GRIK2: variants seen among roughly 807,000 people sequenced by gnomAD.
GRIK2 encodes the protein glutamate ionotropic receptor kainate type subunit 2.
In GRIK2, 32 loss-of-function variants were observed where a neutral mutation model predicts 100.3. The ratio of observed to expected loss-of-function variants is 0.32; its 90% CI spans 0.24 to 0.43. The LOEUF (loss-of-function observed/expected upper bound fraction) is 0.43. Ranked by LOEUF, GRIK2 falls within the 20% of genes least tolerant of loss-of-function variation. The pLI is 1.00. For synonymous variants in GRIK2, 417 were observed against 389.4 expected (o/e 1.07, Z -0.83); for missense variants, 843 against 1,114.9 (o/e 0.76, Z 3.47).
At chr6:101,929,848 G>A (rs62421157) in intron 14 of GRIK2, among the ~76,000 whole-genome samples, 3,515 of 152,032 alleles carry the variant, frequency 0.023, 65 homozygotes, top group Middle Eastern at 0.038. Context: ...TATTGGATAT[G>A]GATTTCACAT....
At chr6:101,630,781 T>C (rs1310555625) in intron 4 of GRIK2, among the ~76,000 whole-genome samples, 1 of 152,080 alleles carries the variant, frequency 6.6e-6, no homozygotes, top group Non-Finnish European at 1.5e-5. Flanking sequence ...TCATACACAA[T>C]AAAATAAACA....
At chr6:101,889,499 CA>C (rs1415646603) in intron 11 of GRIK2, 140 bp from the exon 12 acceptor site, 4 of 552,066 alleles carry the variant, frequency 7.2e-6, no homozygotes, top group Middle Eastern at 9.3e-4. Flanking sequence ...TAAATTTTAA[CA>C]TAATCGTTAC....
chr6:101,924,610 T>A lies in GRIK2; in HGVS notation c.1758T>A (p.Pro586=). 1.9e-6 allele frequency: 3 copies of A among 1,541,464 alleles called. No homozygotes were observed. Among genetic ancestry groups the A allele is most frequent in the Non-Finnish European group, 2.7e-6 (3 of 1,114,156 alleles). Reference sequence around the variant, plus strand: ...CTGTCAATTACCACAGGTTTAGTCCTTATGAGTGGTATAATCCACACCCTT... The same window carrying A: ...CTGTCAATTACCACAGGTTTAGTCCATATGAGTGGTATAATCCACACCCTT... ...CVLFVIARFS[P]YEWYNPHPCN... is the part of the protein sequence containing the mutation. Residue 586 remains proline (P), a synonymous_variant, in exon 13 of 17, where the codon CCT becomes CCA. Transcript: ENST00000369134.
intron 10 of GRIK2, among the ~76,000 whole-genome samples, chr6:101,853,102 T>C (rs1220022300): frequency 6.6e-6 from 1 of 152,136 alleles, no homozygotes; most frequent in Non-Finnish European, 1.5e-5. Context: ...ATCCAACATA[T>C]ACGGTTTTCT....
intron 2 of GRIK2, among the ~76,000 whole-genome samples, chr6:101,579,222 G>A (rs982296912): frequency 6.6e-6 from 1 of 152,042 alleles, no homozygotes; most frequent in Non-Finnish European, 1.5e-5. Flanking sequence ...AAGAAATGAA[G>A]TATATATTCC....
At chr6:101,618,612 G>T (rs512051) in intron 2 of GRIK2, among the ~76,000 whole-genome samples, 34,925 of 151,222 alleles carry the variant, frequency 0.23, 5,075 homozygotes, top group African/African-American at 0.4. Flanking sequence ...GTATTTTCTC[G>T]TATACTTCAC....
Position 101,446,033 on chromosome 6 carries a change from T to G in GRIK2, c.115+46641T>G, listed in dbSNP as rs75930299. Reference sequence around the variant, plus strand: ...TGATCTCTGCCTGTGATATCCCTCCTCAACTTTTAAGACTTAGCTTAAATA... The same window carrying G: ...TGATCTCTGCCTGTGATATCCCTCCGCAACTTTTAAGACTTAGCTTAAATA... On this transcript the variant is annotated intron_variant, in intron 2 of 16. Transcript: ENST00000369134. Among the ~76,000 whole-genome samples the G allele has an allele frequency of 1.4e-4, 21 of 152,182 alleles. No individual in the cohort carries two copies. The East Asian group carries it at 4.1e-3, about 29-fold the overall frequency.
chr6:101,956,307 A>C (rs920276107), intron 14 of GRIK2, among the ~76,000 whole-genome samples: 1 of 152,108 alleles, frequency 6.6e-6, no homozygotes, highest in African/African-American at 2.4e-5. Context: ...GCCACATGAG[A>C]TATTAATTTT....
chr6:101,444,030 A>G (rs1184003395), intron 2 of GRIK2, among the ~76,000 whole-genome samples: 1 of 151,872 alleles, frequency 6.6e-6, no homozygotes, highest in Admixed American at 6.6e-5. Context: ...GACTACAGGT[A>G]TGCACTACCG....
intron 2 of GRIK2, among the ~76,000 whole-genome samples, chr6:101,588,955 CA>C: frequency 6.6e-6 from 1 of 151,928 alleles, no homozygotes; most frequent in Non-Finnish European, 1.5e-5. Flanking sequence ...AAGGTGGTAG[CA>C]GTGGGAATAA....
chr6:101,954,035 G>A (rs1791759483), intron 14 of GRIK2, among the ~76,000 whole-genome samples: 1 of 151,924 alleles, frequency 6.6e-6, no homozygotes, highest in African/African-American at 2.4e-5. Context: ...GAATTGTTTT[G>A]GTACTCTAGT....
intron 7 of GRIK2, among the ~76,000 whole-genome samples, chr6:101,790,714 G>T (rs1243408080): frequency 5.3e-5 from 8 of 150,394 alleles, no homozygotes; most frequent in Admixed American, 2.0e-4. Flanking sequence ...GGATGATGCG[G>T]GCCTCATAAA....
At chr6:101,723,349 A>G (rs76968186) in intron 7 of GRIK2, among the ~76,000 whole-genome samples, 2 of 152,056 alleles carry the variant, frequency 1.3e-5, no homozygotes, top group Admixed American at 6.6e-5. Flanking sequence ...TTGTACAACT[A>G]TGAGTCATAG....
chr6:102,024,529 G>A (rs1244254311), intron 14 of GRIK2, among the ~76,000 whole-genome samples: 2 of 151,154 alleles, frequency 1.3e-5, no homozygotes, highest in African/African-American at 2.4e-5. Flanking sequence ...AATAAATCAG[G>A]TAGTAATATT....
chr6:101,745,622 C>A (rs1776378277), intron 7 of GRIK2, among the ~76,000 whole-genome samples: 1 of 152,120 alleles, frequency 6.6e-6, no homozygotes, highest in Non-Finnish European at 1.5e-5. Context: ...CTCAAAATTT[C>A]ATGCCCATTA....
At chr6:101,732,310 G>T (rs548332220) in intron 7 of GRIK2, among the ~76,000 whole-genome samples, 3 of 151,882 alleles carry the variant, frequency 2.0e-5, no homozygotes, top group African/African-American at 7.2e-5. Context: ...AGAGTTCCTG[G>T]GTAGAGGAAA....
intron 7 of GRIK2, among the ~76,000 whole-genome samples, chr6:101,752,106 A>G (rs986443530): frequency 3.3e-5 from 5 of 152,200 alleles, no homozygotes; most frequent in Admixed American, 2.6e-4. Flanking sequence ...AAAATGATAA[A>G]TTGGTTCTTT....
intron 14 of GRIK2, among the ~76,000 whole-genome samples, chr6:102,011,867 G>A (rs1795561420): frequency 6.6e-6 from 1 of 151,986 alleles, no homozygotes; most frequent in South Asian, 2.1e-4. Flanking sequence ...ATTAACAGGC[G>A]TGAGCCACCA....
intron 2 of GRIK2, among the ~76,000 whole-genome samples, chr6:101,528,127 A>G: frequency 6.6e-6 from 1 of 152,128 alleles, no homozygotes; most frequent in Admixed American, 6.5e-5. Context: ...AGAAGAATTA[A>G]ATCTTGAGTT....
Sources: allele counts gnomAD v4.1 joint callset (sites outside exome capture counted in the v4.1 genomes callset), GRCh38; gene constraint gnomAD v4.1.1; transcripts MANE v1.5; gene names NCBI Gene and HGNC (gene_info 2026-07-23, HGNC 2026-07-21).